RASSF3: variants seen among roughly 807,000 people sequenced by gnomAD.
The protein encoded by RASSF3 is Ras association domain family member 3, also known as ras association domain-containing protein 3.
RASSF3 carries 19 observed loss-of-function variants against 19.9 expected under a neutral mutation model. That is an observed-to-expected ratio of 0.96 (90% confidence interval 0.67 to 1.40). The LOEUF is 1.40. Among genes scored for constraint, RASSF3 ranks in the 40% most tolerant of loss-of-function variants. The probability of loss-of-function intolerance (pLI) is 0.00; values close to 1 mark genes in which losing one functional copy is unlikely to be tolerated. For missense variants in RASSF3, 306 were observed against 289.8 expected (o/e 1.06, Z -0.41); for synonymous variants, 110 against 104.2 (o/e 1.06, Z -0.34).
chr12:64,635,248 C>A (rs1018515535), intron 1 of RASSF3, among the ~76,000 whole-genome samples: 2 of 152,062 alleles, frequency 1.3e-5, no homozygotes, highest in Non-Finnish European at 2.9e-5. Context: ...GCCACCATGC[C>A]TGGCCGTAGT....
intron 2 of RASSF3, among the ~76,000 whole-genome samples, chr12:64,569,800 T>C (rs1372394645): frequency 6.6e-6 from 1 of 152,150 alleles, no homozygotes. Flanking sequence ...ACCTTGTTTC[T>C]ACTAAAAATA....
At chr12:64,674,882 T>C (rs1392973612) in intron 1 of RASSF3, among the ~76,000 whole-genome samples, 1 of 152,116 alleles carries the variant, frequency 6.6e-6, no homozygotes, top group East Asian at 1.9e-4. Flanking sequence ...CAGCGGGTGG[T>C]ACACTTCGGT....
At chr12:64,580,382 A>G (rs1869671509) in intron 2 of RASSF3, among the ~76,000 whole-genome samples, 1 of 152,086 alleles carries the variant, frequency 6.6e-6, no homozygotes, top group South Asian at 2.1e-4. Context: ...AACTGCCATA[A>G]CAAAGTTCCA....
rs535810800 is a variant in RASSF3, at chr12:64,511,659, C to T, written c.169+4330C>T. Among the ~76,000 whole-genome samples the T allele has an allele frequency of 3.4e-4, 52 of 152,330 alleles. 1 individual carries two copies. The highest frequency in any genetic ancestry group is 1.2e-3 in the African/African-American group (50 of 41,578). ...TTTAATTTCTGTGGTAAGGACATCA[C>T]TTTCACAGCCTACCTCTTCATTTCT... On this transcript the variant is annotated intron_variant, in intron 1 of 5. Coordinates refer to the RASSF3 transcript ENST00000637125.
rs190552682 is a variant in RASSF3 at position 64,508,650 on chromosome 12, C to T, written c.169+1321C>T. Among the ~76,000 whole-genome samples, 477 of 152,168 alleles carry T rather than the reference C, an allele frequency of 3.1e-3. 4 individuals carry two copies. The highest frequency in any genetic ancestry group is 0.013 in the Admixed American group (204 of 15,288). On this transcript the variant is annotated intron_variant, in intron 1 of 5. Coordinates refer to the RASSF3 transcript ENST00000637125. The stretch of plus-strand genomic sequence containing the variant: ...CTGTAATCCCAGCACTTTGGGAGGC[C>T]GAGGCGGGCAGATCACCTGAGGTCG...
intron 1 of RASSF3, among the ~76,000 whole-genome samples, chr12:64,525,701 A>G (rs781598066): frequency 6.6e-6 from 1 of 152,058 alleles, no homozygotes; most frequent in Non-Finnish European, 1.5e-5. Context: ...CTGCAGACCC[A>G]GAATTTGTTT....
chr12:64,634,538 A>G (rs1162533981), intron 1 of RASSF3, among the ~76,000 whole-genome samples: 1 of 152,076 alleles, frequency 6.6e-6, no homozygotes, highest in East Asian at 1.9e-4. Flanking sequence ...TCAAAAAGCA[A>G]CAGTGATTTC....
intron 1 of RASSF3, among the ~76,000 whole-genome samples, chr12:64,526,807 A>T (rs891549920): frequency 2.6e-5 from 4 of 152,182 alleles, no homozygotes; most frequent in African/African-American, 9.7e-5. Context: ...TAGCCTCCCA[A>T]AGTGCTAGGA....
In RASSF3 at chr12:64,696,070, C is replaced by A. The variant is rs1868352664; in HGVS notation, c.*1158C>A. On this transcript the variant is annotated 3_prime_UTR_variant, in exon 5 of 5. Transcript: ENST00000542104. ...TCTTTCCTTCCCTGCTGTCTCCCAC[C>A]CTACCTTGTTCTTTTCCTCCCTCCC... 1 of 150,422 alleles carries A rather than the reference C, an allele frequency of 6.6e-6. No individual in the cohort carries two copies. The highest frequency in any genetic ancestry group is 1.5e-5 in the Non-Finnish European group (1 of 67,408). The allele number at this position is 150,422 out of a possible 1,614,324, so 9.3% of individuals were successfully genotyped here.
intron 1 of RASSF3, among the ~76,000 whole-genome samples, chr12:64,643,636 GA>G (rs1003179316): frequency 2.7e-5 from 4 of 150,124 alleles, no homozygotes; most frequent in South Asian, 2.1e-4. Flanking sequence ...ATAAGAATAG[GA>G]AAAAAAAACC....
At chr12:64,559,852 T>G (rs932722622) in intron 2 of RASSF3, among the ~76,000 whole-genome samples, 1 of 152,260 alleles carries the variant, frequency 6.6e-6, no homozygotes, top group Admixed American at 6.5e-5. Flanking sequence ...TGGTTCCTGC[T>G]CGCTAATTCT....
chr12:64,653,068 G>A (rs1592446514), intron 1 of RASSF3, among the ~76,000 whole-genome samples: 1 of 152,070 alleles, frequency 6.6e-6, no homozygotes. Context: ...GTCTGTGTCC[G>A]AATTTCCCCT....
chr12:64,659,872 T>C (rs1309296311), intron 1 of RASSF3, among the ~76,000 whole-genome samples: 2 of 151,776 alleles, frequency 1.3e-5, no homozygotes, highest in Non-Finnish European at 2.9e-5. Flanking sequence ...CACTCGAACC[T>C]GGGAAGCGGA....
At chr12:64,609,464 T>G (rs1870260939), upstream of RASSF3, 1 of 152,170 alleles carries the variant, frequency 6.6e-6, no homozygotes, top group African/African-American at 2.4e-5. Context: ...TGAAACCTCT[T>G]CTGAAGCTCG....
At position 64,662,073 on chromosome 12, in the gene RASSF3, G is replaced by GA. The variant is rs1199611326; in HGVS notation, c.112-22705dup. Among the ~76,000 whole-genome samples, 168 of 150,868 alleles carry GA rather than the reference G, an allele frequency of 1.1e-3. 1 individual carries two copies. Among genetic ancestry groups the GA allele is most frequent in the African/African-American group, 3.7e-3 (153 of 41,116 alleles). ...CTGGAGACAAAAATGGAGAGAGAGA[G>GA]AAAAAAAAATCCCTGCCTTTGTGGA... On this transcript the variant is annotated intron_variant, in intron 1 of 4. Transcript: ENST00000542104.
At chr12:64,596,553 A>T (rs1870001862) in intron 2 of RASSF3, among the ~76,000 whole-genome samples, 1 of 152,068 alleles carries the variant, frequency 6.6e-6, no homozygotes, top group Admixed American at 6.6e-5. Context: ...TCCCTCGCTA[A>T]ATGACAGGAA....
rs1869739375 is a variant in RASSF3, at chr12:64,583,575, T to C, written c.294+41870T>C. Among the ~76,000 whole-genome samples the C allele has an allele frequency of 3.3e-5, 5 of 152,218 alleles. No individual in the cohort carries two copies. The South Asian group carries it at 1.0e-3, about 32-fold the overall frequency. On this transcript the variant is annotated intron_variant, in intron 2 of 5. Transcript: ENST00000637125. ...AGGCAGAGGTTATAGTGAGCCAAGATTGCGCCATTGCACTCCAGCCTGGAT... is the reference window on the plus strand; with the variant it reads ...AGGCAGAGGTTATAGTGAGCCAAGACTGCGCCATTGCACTCCAGCCTGGAT...
At chr12:64,623,072 C>T (rs549852562) in intron 1 of RASSF3, among the ~76,000 whole-genome samples, 4 of 152,204 alleles carry the variant, frequency 2.6e-5, no homozygotes, top group South Asian at 2.1e-4. Flanking sequence ...CCGCCTGCCT[C>T]GGCCTCCCTG....
chr12:64,608,594 G>A (rs1870235498), upstream of RASSF3, among the ~76,000 whole-genome samples: 1 of 152,108 alleles, frequency 6.6e-6, no homozygotes, highest in Admixed American at 6.6e-5. Flanking sequence ...CATCGCGCCC[G>A]GCCAATAAAG....
Sources: allele counts gnomAD v4.1 joint callset (sites outside exome capture counted in the v4.1 genomes callset), GRCh38; gene constraint gnomAD v4.1.1; transcripts MANE v1.5; gene names NCBI Gene and HGNC (gene_info 2026-07-23, HGNC 2026-07-21).